GRM5: variants seen among roughly 807,000 people sequenced by gnomAD.
GRM5 encodes metabotropic glutamate receptor 5.
In GRM5, 19 loss-of-function variants were observed where a neutral mutation model predicts 83.1. The observed-to-expected ratio is 0.23, with a 90% CI of 0.16 to 0.34. The LOEUF (loss-of-function observed/expected upper bound fraction) is 0.34, where lower values mean the gene tolerates loss of function less well. Ranked by LOEUF, GRM5 falls within the 10% of genes least tolerant of loss-of-function variation. GRM5 has a pLI of 1.00. For missense variants in GRM5, 1,160 were observed against 1,588.3 expected (o/e 0.73, Z 4.58); for synonymous variants, 675 against 633.6 (o/e 1.07, Z -0.98).
intron 4 of GRM5, 68 bp downstream of exon 4, chr11:88,653,100 A>G (rs1056856490): frequency 1.0e-6 from 1 of 954,602 alleles, no homozygotes; most frequent in Non-Finnish European, 1.7e-6. Context: ...CACTATCCCC[A>G]TGACATGGTT....
chr11:88,981,814 T>C (rs1939532655), intron 2 of GRM5, among the ~76,000 whole-genome samples: 1 of 152,188 alleles, frequency 6.6e-6, no homozygotes, highest in African/African-American at 2.4e-5. Flanking sequence ...TTAGAATAAG[T>C]CCTTATATCA....
intron 2 of GRM5, among the ~76,000 whole-genome samples, chr11:88,990,127 AG>A (rs1939912256): frequency 7.3e-6 from 1 of 136,738 alleles, no homozygotes; most frequent in Non-Finnish European, 1.6e-5. Context: ...AGACTAATAA[AG>A]AAAAAAAGAG....
At chr11:88,666,860 A>T (rs972963171) in intron 3 of GRM5, among the ~76,000 whole-genome samples, 8 of 152,216 alleles carry the variant, frequency 5.3e-5, no homozygotes, top group Non-Finnish European at 1.5e-5. Flanking sequence ...TACAATTTTT[A>T]TACATGTTGT....
At chr11:88,959,198 A>G (rs1292601790) in intron 2 of GRM5, among the ~76,000 whole-genome samples, 7 of 152,120 alleles carry the variant, frequency 4.6e-5, no homozygotes, top group Non-Finnish European at 8.8e-5. Context: ...GAAAATGTCA[A>G]TTGGAAGTGT....
At chr11:88,941,917 CGGACCA>C (rs1938127403) in intron 2 of GRM5, among the ~76,000 whole-genome samples, 1 of 151,918 alleles carries the variant, frequency 6.6e-6, no homozygotes. Context: ...TGCAGGACAA[CGGACCA>C]GGACTTTTCA....
chr11:89,039,940 C>A (rs530766945), intron 2 of GRM5, among the ~76,000 whole-genome samples: 10 of 152,316 alleles, frequency 6.6e-5, no homozygotes, highest in African/African-American at 2.4e-4. Context: ...GCTGGGTGCA[C>A]ACCACCATGT....
intron 3 of GRM5, among the ~76,000 whole-genome samples, chr11:88,771,411 A>C (rs1401103224): frequency 6.6e-6 from 1 of 152,150 alleles, no homozygotes; most frequent in African/African-American, 2.4e-5. Flanking sequence ...AAGGCCCAAG[A>C]GTCCCTAGCA....
chr11:88,693,300 A>G (rs1368411411), intron 3 of GRM5, among the ~76,000 whole-genome samples: 1 of 152,146 alleles, frequency 6.6e-6, no homozygotes, highest in Admixed American at 6.5e-5. Flanking sequence ...TTTTCCACTA[A>G]TATAAATGAA....
intron 2 of GRM5, among the ~76,000 whole-genome samples, chr11:88,887,601 C>G (rs1473040732): frequency 6.6e-6 from 1 of 152,078 alleles, no homozygotes; most frequent in Non-Finnish European, 1.5e-5. Flanking sequence ...CAACAAGGTG[C>G]CGGGACCCAG....
At chr11:88,532,885 T>C (rs956659064) in intron 8 of GRM5, among the ~76,000 whole-genome samples, 3 of 152,178 alleles carry the variant, frequency 2.0e-5, no homozygotes, top group Admixed American at 6.5e-5. Flanking sequence ...AGTCAGCATA[T>C]ACTGCAGGCT....
chr11:88,898,343 A>G (rs1358596330), intron 2 of GRM5, among the ~76,000 whole-genome samples: 1 of 152,018 alleles, frequency 6.6e-6, no homozygotes, highest in Non-Finnish European at 1.5e-5. Context: ...TAAAGGCCCT[A>G]TTAAAAATAA....
In GRM5 at chr11:88,530,924, G is replaced by A. The variant is rs139371355; in HGVS notation, c.2631-5520C>T. ...GGAACATTAAAATGTATTAGAACTG[G>A]GGGGAAGAAAGAAGCTTGGTACTCA... On this transcript the variant is annotated intron_variant, in intron 8 of 9. Transcript: ENST00000305447. 1.1e-3 allele frequency among the ~76,000 whole-genome samples: 172 copies of A among 152,130 alleles called. 1 individual carries two copies. Among genetic ancestry groups the A allele is most frequent in the African/African-American group, 3.8e-3 (156 of 41,542 alleles).
intron 2 of GRM5, among the ~76,000 whole-genome samples, chr11:88,994,442 T>C (rs1445253375): frequency 3.2e-5 from 4 of 125,938 alleles, no homozygotes; most frequent in Non-Finnish European, 1.6e-5. Context: ...TCACTTTAAC[T>C]GATTATATAT....
At chr11:88,858,066 TC>T (rs1179553067) in intron 2 of GRM5, among the ~76,000 whole-genome samples, 1 of 152,040 alleles carries the variant, frequency 6.6e-6, no homozygotes, top group Non-Finnish European at 1.5e-5. Context: ...TTATTTCTCA[TC>T]CTGCCCTGGA....
intron 3 of GRM5, among the ~76,000 whole-genome samples, chr11:88,705,657 A>G (rs1439199177): frequency 6.6e-6 from 1 of 151,366 alleles, no homozygotes; most frequent in African/African-American, 2.4e-5. Context: ...CGACTGCAAC[A>G]TCTTTTCTCT....
At position 88,763,031 on chromosome 11, in the gene GRM5, G is replaced by A. The variant is rs181025737; in HGVS notation, c.911+86875C>T. ...GTGGGAGACTACCAGGGGTTGGAGCGGGAAAGGAGGGAGAGGATCAGGAAA... is the reference window on the plus strand; with the variant it reads ...GTGGGAGACTACCAGGGGTTGGAGCAGGAAAGGAGGGAGAGGATCAGGAAA... On this transcript the variant is annotated intron_variant, in intron 3 of 9. Coordinates refer to ENST00000305447, the MANE Select transcript of GRM5 (RefSeq NM_001143831.3). Among the ~76,000 whole-genome samples the A allele has an allele frequency of 1.2e-3, 185 of 151,942 alleles. No individual in the cohort carries two copies. The Middle Eastern group carries it at 0.02, about 17-fold the overall frequency.
intron 9 of GRM5, among the ~76,000 whole-genome samples, chr11:88,520,380 A>G (rs946572819): frequency 6.6e-6 from 1 of 152,156 alleles, no homozygotes; most frequent in Non-Finnish European, 1.5e-5. Flanking sequence ...TCTCTTATCT[A>G]TGGAGTTTAA....
chr11:89,007,260 C>G (rs1940556463), intron 2 of GRM5, among the ~76,000 whole-genome samples: 1 of 152,166 alleles, frequency 6.6e-6, no homozygotes, highest in African/African-American at 2.4e-5. Flanking sequence ...ATCCTTCCAA[C>G]CAGACCATGA....
At chr11:88,550,023 G>A (rs537024656) in intron 8 of GRM5, among the ~76,000 whole-genome samples, 1 of 152,182 alleles carries the variant, frequency 6.6e-6, no homozygotes, top group South Asian at 2.1e-4. Context: ...AGAAATGACT[G>A]GTTGGATGTG....
Sources: allele counts gnomAD v4.1 joint callset (sites outside exome capture counted in the v4.1 genomes callset), GRCh38; gene constraint gnomAD v4.1.1; transcripts MANE v1.5; gene names NCBI Gene and HGNC (gene_info 2026-07-23, HGNC 2026-07-21).